TOP6BL: variants seen among roughly 807,000 people sequenced by gnomAD.
TOP6BL encodes the protein TOP6B like initiator of meiotic double strand breaks.
chr11:66,763,058 G>A, the TOP6BL span, among the ~76,000 whole-genome samples: 4 of 152,168 alleles, frequency 2.6e-5, no homozygotes, highest in Non-Finnish European at 5.9e-5. Flanking sequence ...AAGAAAATTA[G>A]CCAGGCATGG....
chr11:66,814,077 G>A, the TOP6BL span: 1 of 1,371,704 alleles, frequency 7.3e-7, no homozygotes, highest in Non-Finnish European at 1.0e-6. Context: ...ATAAATGAAA[G>A]GAAATATGAA....
At chr11:66,745,003 G>T in the TOP6BL span, 2 of 1,215,142 alleles carry the variant, frequency 1.6e-6, no homozygotes, top group African/African-American at 1.6e-5. Context: ...TGGGCAGAGG[G>T]GTCGGGCGTC....
At chr11:66,804,100 G>A in the TOP6BL span, 1 of 1,613,976 alleles carries the variant, frequency 6.2e-7, no homozygotes, top group Non-Finnish European at 8.5e-7. Flanking sequence ...GCATGGACTT[G>A]TTGGGAGAAC....
chr11:66,760,625 C>CAAAAAAA, the TOP6BL span, among the ~76,000 whole-genome samples: 3 of 54,144 alleles, frequency 5.5e-5, no homozygotes, highest in African/African-American at 9.9e-5. Context: ...CCCATCTTTA[C>CAAAAAAA]AAAAAAAAAA....
the TOP6BL span, among the ~76,000 whole-genome samples, chr11:66,812,630 T>G: frequency 6.6e-6 from 1 of 152,162 alleles, no homozygotes; most frequent in South Asian, 2.1e-4. Context: ...ATTTTAATCT[T>G]CACAATACCT....
chr11:66,834,052 T>C, the TOP6BL span, among the ~76,000 whole-genome samples: 1 of 152,264 alleles, frequency 6.6e-6, no homozygotes, highest in African/African-American at 2.4e-5. Flanking sequence ...ATATGGCTAG[T>C]GAACTCAAGG....
chr11:66,775,639 C>A, the TOP6BL span, among the ~76,000 whole-genome samples: 2 of 152,170 alleles, frequency 1.3e-5, no homozygotes, highest in African/African-American at 4.8e-5. Context: ...CCAGGTCTTG[C>A]TTAGATGTGG....
chr11:66,815,831 C>T, the TOP6BL span: 7 of 432,472 alleles, frequency 1.6e-5, no homozygotes, highest in Non-Finnish European at 2.1e-5. Context: ...GTTTGGCTTG[C>T]ATTTTACACA....
the TOP6BL span, among the ~76,000 whole-genome samples, chr11:66,831,403 GA>G: frequency 6.6e-6 from 1 of 152,102 alleles, no homozygotes; most frequent in Non-Finnish European, 1.5e-5. Flanking sequence ...TCATATAAAG[GA>G]ACACTATGTG....
the TOP6BL span, chr11:66,761,975 C>T: frequency 1.3e-5 from 21 of 1,566,954 alleles, no homozygotes; most frequent in Admixed American, 3.5e-4. Context: ...AGGGTTCCTC[C>T]TCACCATCAA....
At chr11:66,766,175 T>G in the TOP6BL span, among the ~76,000 whole-genome samples, 56 of 152,350 alleles carry the variant, frequency 3.7e-4, no homozygotes, top group Non-Finnish European at 6.0e-4. Context: ...TCTCTCAGTG[T>G]CTAAAACAAG....
the TOP6BL span, among the ~76,000 whole-genome samples, chr11:66,769,863 C>T: frequency 1.3e-5 from 2 of 151,896 alleles, no homozygotes; most frequent in African/African-American, 4.8e-5. Flanking sequence ...GCCTCAGCCT[C>T]CCGAGTAGCT....
the TOP6BL span, among the ~76,000 whole-genome samples, chr11:66,753,437 C>T: frequency 6.9e-6 from 1 of 144,972 alleles, no homozygotes; most frequent in Non-Finnish European, 1.5e-5. Context: ...GACAGAGTCT[C>T]ACTCTGTCAC....
chr11:66,836,518 C>T, the TOP6BL span, among the ~76,000 whole-genome samples: 1 of 149,720 alleles, frequency 6.7e-6, no homozygotes, highest in Non-Finnish European at 1.5e-5. Flanking sequence ...CCTCTTTTGC[C>T]CATTTTTAAA....
At chr11:66,813,898 A>G in the TOP6BL span, 2 of 1,613,962 alleles carry the variant, frequency 1.2e-6, no homozygotes, top group Admixed American at 1.7e-5. Flanking sequence ...TCTGCCTCTG[A>G]TATTGTCAAC....
At chr11:66,822,102 T>TA in the TOP6BL span, among the ~76,000 whole-genome samples, 92 of 152,332 alleles carry the variant, frequency 6.0e-4, no homozygotes, top group African/African-American at 2.1e-3. Flanking sequence ...CGCTGTGTCT[T>TA]ACATTCTTCC....
the TOP6BL span, among the ~76,000 whole-genome samples, chr11:66,763,835 T>C: frequency 6.6e-6 from 1 of 152,138 alleles, no homozygotes; most frequent in African/African-American, 2.4e-5. Context: ...AAACTTCTGG[T>C]TGGTCTCAAG....
At chr11:66,789,631 A>C in the TOP6BL span, among the ~76,000 whole-genome samples, 1 of 152,178 alleles carries the variant, frequency 6.6e-6, no homozygotes, top group Non-Finnish European at 1.5e-5. Flanking sequence ...GTGAACCAAG[A>C]AGGGCAATTC....
chr11:66,819,732 G>C, the TOP6BL span, among the ~76,000 whole-genome samples: 2 of 151,928 alleles, frequency 1.3e-5, no homozygotes, highest in African/African-American at 2.4e-5. Flanking sequence ...GCGAAACCCC[G>C]TCTCTACTAA....
Sources: gnomAD v4.1 joint callset for allele counts (sites outside exome capture counted in the v4.1 genomes callset) on GRCh38, gnomAD v4.1.1 for gene constraint, MANE v1.5 for transcripts, NCBI Gene and HGNC (gene_info 2026-07-23, HGNC 2026-07-21) for gene names.